FMN1: variants seen among roughly 807,000 people sequenced by gnomAD.
FMN1 encodes the protein formin 1.
In FMN1, 110 loss-of-function variants were observed where a neutral mutation model predicts 132.4. The ratio of observed to expected loss-of-function variants is 0.83; its 90% CI spans 0.71 to 0.97. The LOEUF (loss-of-function observed/expected upper bound fraction) is 0.97, where lower values mean the gene tolerates loss of function less well. FMN1 is among the 50% of genes least tolerant of loss of function. The probability of loss-of-function intolerance (pLI) is 0.00; values close to 1 mark genes in which losing one functional copy is unlikely to be tolerated. For missense variants in FMN1, 1,792 were observed against 1,705.3 expected, an observed-to-expected ratio of 1.05 and a Z score of -0.90; for synonymous variants, 722 against 651.7, an observed-to-expected ratio of 1.11 and a Z score of -1.64.
intron 16 of FMN1, among the ~76,000 whole-genome samples, chr15:32,886,585 G>A (rs1026501076): frequency 2.6e-5 from 4 of 152,146 alleles, no homozygotes; most frequent in South Asian, 2.1e-4. Context: ...GTACAGGGAC[G>A]TCAAAGTGAG....
intron 19 of FMN1, among the ~76,000 whole-genome samples, chr15:32,795,264 GT>G (rs1353873802): frequency 6.6e-5 from 10 of 152,088 alleles, no homozygotes; most frequent in Admixed American, 6.6e-4. Context: ...AGCTATAGAT[GT>G]TTACCGATTT....
chr15:32,798,178 G>GAACACACACA lies in FMN1; in HGVS notation c.4130+625_4130+626insTGTGTGTGTT, dbSNP rs1555457387. ...CAAATTCAATCTCTCTAAGGAAAAC[G>GAACACACACA]CACACACACACACACACACACACAC... is the stretch of plus-strand genomic sequence containing the variant. On this transcript the variant is annotated intron_variant, in intron 19 of 20. Coordinates refer to ENST00000616417, the MANE Select transcript of FMN1 (RefSeq NM_001277313.2). Among the ~76,000 whole-genome samples, 1,070 of 147,182 alleles carry GAACACACACA rather than the reference G, an allele frequency of 7.3e-3. 18 individuals are homozygous for GAACACACACA. Among genetic ancestry groups the GAACACACACA allele is most frequent in the African/African-American group, 0.021 (823 of 39,460 alleles).
At chr15:32,952,938 G>A (rs1005283228) in intron 9 of FMN1, among the ~76,000 whole-genome samples, 3 of 152,154 alleles carry the variant, frequency 2.0e-5, no homozygotes, top group Admixed American at 2.0e-4. Flanking sequence ...TCACGTCCGT[G>A]TCAAATTAGC....
intron 19 of FMN1, among the ~76,000 whole-genome samples, chr15:32,793,848 T>C (rs558828992): frequency 1.5e-4 from 23 of 152,214 alleles, no homozygotes; most frequent in Non-Finnish European, 2.6e-4. Context: ...TGTATGTATG[T>C]CAGTAGGAAA....
chr15:33,178,821 T>C (rs1965602245), intron 3 of FMN1, among the ~76,000 whole-genome samples: 1 of 152,210 alleles, frequency 6.6e-6, no homozygotes, highest in African/African-American at 2.4e-5. Context: ...CAATACACCC[T>C]GCCTTCTATT....
intron 16 of FMN1, among the ~76,000 whole-genome samples, chr15:32,875,704 T>C (rs1386811822): frequency 3.3e-5 from 5 of 152,214 alleles, no homozygotes; most frequent in Admixed American, 6.5e-5. Flanking sequence ...ACTTCACTCA[T>C]TTGGTTGACT....
chr15:32,840,891 A>G (rs2058731703), intron 17 of FMN1, among the ~76,000 whole-genome samples: 2 of 152,248 alleles, frequency 1.3e-5, no homozygotes, highest in Admixed American at 1.3e-4. Flanking sequence ...AGAAGAACAG[A>G]TAATTGCTCA....
At chr15:32,985,576 T>C (rs1355240049) in intron 7 of FMN1, among the ~76,000 whole-genome samples, 8 of 152,152 alleles carry the variant, frequency 5.3e-5, no homozygotes, top group African/African-American at 9.7e-5. Flanking sequence ...GTAGTGCCCA[T>C]GAACAGCCTG....
intron 6 of FMN1, among the ~76,000 whole-genome samples, chr15:33,028,296 G>A (rs925895400): frequency 2.0e-5 from 3 of 152,120 alleles, no homozygotes; most frequent in African/African-American, 4.8e-5. Flanking sequence ...AAAGTGACAC[G>A]TGTATATAGA....
At chr15:33,007,594 T>C (rs1314398815) in intron 7 of FMN1, among the ~76,000 whole-genome samples, 1 of 152,264 alleles carries the variant, frequency 6.6e-6, no homozygotes, top group South Asian at 2.1e-4. Context: ...TCCTTAAATT[T>C]TGTAATCTGC....
intron 7 of FMN1, among the ~76,000 whole-genome samples, chr15:32,989,398 T>C (rs2033292479): frequency 6.6e-6 from 1 of 152,160 alleles, no homozygotes; most frequent in Non-Finnish European, 1.5e-5. Context: ...TGAGGAACCC[T>C]TGCAGGGCAC....
chr15:32,801,504 C>T (rs1200502433), intron 18 of FMN1, among the ~76,000 whole-genome samples: 7 of 152,034 alleles, frequency 4.6e-5, no homozygotes, highest in Non-Finnish European at 7.4e-5. Context: ...CAGTGGCTCA[C>T]GCCTGTAATC....
At position 32,804,351 on chromosome 15, in the gene FMN1, G is replaced by C; in HGVS notation, c.3929-19C>G. Reference sequence around the variant, plus strand: ...TTTTTGGCTGTAAAAGATAAATCATGATTAAAAATTTTTTCTTCTGTTGTC... The same window carrying C: ...TTTTTGGCTGTAAAAGATAAATCATCATTAAAAATTTTTTCTTCTGTTGTC... On this transcript the variant is annotated intron_variant, in intron 17 of 20. Coordinates refer to ENST00000616417, the MANE Select transcript of FMN1 (RefSeq NM_001277313.2). The C allele has an allele frequency of 6.7e-7, 1 of 1,499,274 alleles. No individual in the cohort carries two copies. The highest frequency in any genetic ancestry group is 9.0e-7 in the Non-Finnish European group (1 of 1,116,674). 92.9% of individuals were successfully genotyped at this position (1,499,274 alleles called of 1,614,324 possible). A position where few individuals can be genotyped will look rare whatever the true frequency, so the allele number is the denominator to read the frequency against.
chr15:32,932,511 C>G (rs115406184), intron 9 of FMN1, among the ~76,000 whole-genome samples: 1 of 152,184 alleles, frequency 6.6e-6, no homozygotes, highest in South Asian at 2.1e-4. Flanking sequence ...ATGCTGTTCT[C>G]ATAAAATGAA....
In FMN1 at chr15:33,126,871, C is replaced by T. The variant is rs185139899; in HGVS notation, c.1867+26177G>A. Among the ~76,000 whole-genome samples the T allele has an allele frequency of 6.6e-5, 10 of 152,264 alleles. No homozygotes were observed. The East Asian group carries it at 1.9e-3, about 29-fold the overall frequency. On this transcript the variant is annotated intron_variant, in intron 4 of 20. Coordinates refer to ENST00000616417, the MANE Select transcript of FMN1 (RefSeq NM_001277313.2). ...AACTTTGGGAAGGAAAACTGATACC[C>T]ATAAATAACTGTGGCTGTATAACTG...
chr15:33,095,162 A>G (rs1246173083), intron 4 of FMN1, among the ~76,000 whole-genome samples: 2 of 152,128 alleles, frequency 1.3e-5, no homozygotes, highest in African/African-American at 4.8e-5. Context: ...AGCCTGGCCA[A>G]CATGGCAAAA....
chr15:32,860,345 A>G (rs550737852), intron 16 of FMN1, among the ~76,000 whole-genome samples: 44 of 152,232 alleles, frequency 2.9e-4, no homozygotes, highest in African/African-American at 1.1e-3. Flanking sequence ...CACGTGTAGG[A>G]AAGTTTAAAT....
intron 17 of FMN1, among the ~76,000 whole-genome samples, chr15:32,835,103 A>C (rs2058591771): frequency 6.6e-6 from 1 of 152,146 alleles, no homozygotes; most frequent in Admixed American, 6.5e-5. Flanking sequence ...CTTTCTACCT[A>C]AAAGCACAAG....
chr15:32,847,455 G>A (rs1050052350), intron 17 of FMN1, among the ~76,000 whole-genome samples: 26 of 152,110 alleles, frequency 1.7e-4, no homozygotes, highest in Admixed American at 1.7e-3. Context: ...AGACAAGGCT[G>A]GGCGTGGTGG....
Sources: allele counts gnomAD v4.1 joint callset (sites outside exome capture counted in the v4.1 genomes callset), GRCh38; gene constraint gnomAD v4.1.1; transcripts MANE v1.5; gene names NCBI Gene and HGNC (gene_info 2026-07-23, HGNC 2026-07-21).